TG: variants seen among roughly 807,000 people sequenced by gnomAD.
TG encodes the protein thyroid hormones.
Under a neutral mutation model 324.7 loss-of-function variants are expected in TG, and 270 were observed. The ratio of observed to expected loss-of-function variants is 0.83; its 90% CI spans 0.75 to 0.92. TG has a LOEUF of 0.92. Ranked by LOEUF, TG falls within the 40% of genes least tolerant of loss-of-function variation. The pLI, the probability that TG is intolerant of heterozygous loss-of-function variation, is 0.00. For synonymous variants in TG, 1,401 were observed against 1,327.0 expected (o/e 1.06, Z -1.21); for missense variants, 3,591 against 3,456.4 (o/e 1.04, Z -0.98).
intron 43 of TG, chr8:133,106,578 C>A: frequency 2.3e-6 from 1 of 426,274 alleles, no homozygotes; most frequent in Non-Finnish European, 3.1e-6. Context: ...CCTCGCTGCT[C>A]CCCCTCACCC....
chr8:133,080,942 G>A (rs1030746792), intron 41 of TG, among the ~76,000 whole-genome samples: 3 of 152,202 alleles, frequency 2.0e-5, no homozygotes, highest in African/African-American at 7.2e-5. Flanking sequence ...AAGGCCACTT[G>A]GTGTTTTATT....
At chr8:132,939,410 A>G (rs1463861560) in intron 25 of TG, among the ~76,000 whole-genome samples, 1 of 152,190 alleles carries the variant, frequency 6.6e-6, no homozygotes, top group African/African-American at 2.4e-5. Flanking sequence ...GGTTTAGTAC[A>G]GGCACAAAAA....
chr8:132,939,663 G>GTTTT (rs766831555), intron 25 of TG, among the ~76,000 whole-genome samples: 78 of 125,440 alleles, frequency 6.2e-4, no homozygotes, highest in Middle Eastern at 4.2e-3. Context: ...AGTCTATGGG[G>GTTTT]TTTTTTTTTT....
chr8:132,947,579 C>T (rs566874240), intron 26 of TG, among the ~76,000 whole-genome samples: 11 of 151,618 alleles, frequency 7.3e-5, no homozygotes, highest in Non-Finnish European at 1.5e-4. Context: ...CCAGATTGGA[C>T]ATAAATTAGG....
intron 18 of TG, 37 bp from the exon 19 acceptor site, chr8:132,911,340 C>G (rs758338278): frequency 1.2e-6 from 2 of 1,614,130 alleles, no homozygotes; most frequent in Admixed American, 1.7e-5. Context: ...GCTTTCTACT[C>G]TGTGTTCTTG....
At chr8:133,120,619 C>T (rs1336636735) in intron 45 of TG, among the ~76,000 whole-genome samples, 2 of 152,160 alleles carry the variant, frequency 1.3e-5, no homozygotes, top group Non-Finnish European at 2.9e-5. Flanking sequence ...TTCTTTACGT[C>T]GTCTTTCTTC....
At chr8:133,027,828 C>A (rs891973751) in intron 40 of TG, among the ~76,000 whole-genome samples, 24 of 152,214 alleles carry the variant, frequency 1.6e-4, no homozygotes, top group African/African-American at 5.5e-4. Flanking sequence ...AGCTCATTCC[C>A]TCTAAAGTTT....
chr8:133,029,768 A>C, intron 40 of TG, 53 bp from the exon 41 acceptor site: 1 of 1,611,116 alleles, frequency 6.2e-7, no homozygotes, highest in Non-Finnish European at 8.5e-7. Context: ...CATGATTTTC[A>C]AATCCAAGGT....
Position 132,990,033 on chromosome 8 carries a change from G to C in TG, c.6262+6621G>C, listed in dbSNP as rs72727473. ...AATGCTCAGCATGGAATTTGCTGTA[G>C]AGTGGGTGTTCAAGAAACGTCAGCA... is the stretch of plus-strand genomic sequence containing the variant. On this transcript the variant is annotated intron_variant, in intron 35 of 47. Transcript: ENST00000220616. 9.0e-4 allele frequency among the ~76,000 whole-genome samples: 137 copies of C among 152,168 alleles called. No individual in the cohort carries two copies. The Middle Eastern group carries it at 0.02, about 23-fold the overall frequency.
intron 31 of TG, 55 bp downstream of exon 31, chr8:132,968,025 G>T: frequency 6.3e-7 from 1 of 1,595,304 alleles, no homozygotes; most frequent in South Asian, 1.1e-5. Flanking sequence ...TGCTGGCTCT[G>T]TGGTTTTAGA....
chr8:133,054,328 A>C (rs141342167), intron 41 of TG, among the ~76,000 whole-genome samples: 1 of 152,322 alleles, frequency 6.6e-6, no homozygotes, highest in East Asian at 1.9e-4. Context: ...TGAAAGAAGA[A>C]ACCCAGAGAG....
rs778688293 is a variant in TG at position 132,901,578 on chromosome 8, C to A, written c.3634+25C>A. 6.2e-6 allele frequency: 10 copies of A among 1,604,520 alleles called. No homozygotes were observed. The Admixed American group carries it at 1.0e-4, about 16-fold the overall frequency. On this transcript the variant is annotated intron_variant, in intron 16 of 47. Coordinates refer to ENST00000220616, the MANE Select transcript of TG (RefSeq NM_003235.5). ...AGTAAGTCATGACCCCCTGGGGGGACGACGAGGCCTGCATATCTGTTCTTT... is the reference window on the plus strand; with the variant it reads ...AGTAAGTCATGACCCCCTGGGGGGAAGACGAGGCCTGCATATCTGTTCTTT...
chr8:132,951,747 C>T (rs888194735), intron 27 of TG, among the ~76,000 whole-genome samples: 3 of 152,154 alleles, frequency 2.0e-5, no homozygotes, highest in Non-Finnish European at 2.9e-5. Flanking sequence ...CTACCTCCAA[C>T]TGAAGGCAAC....
intron 38 of TG, among the ~76,000 whole-genome samples, 182 bp downstream of exon 38, chr8:133,018,179 CT>C (rs1835225122): frequency 6.6e-6 from 1 of 152,202 alleles, no homozygotes; most frequent in Admixed American, 6.5e-5. Flanking sequence ...GTAACAGTGG[CT>C]TAACACTGTT....
intron 35 of TG, among the ~76,000 whole-genome samples, chr8:132,985,137 A>C (rs890040538): frequency 9.2e-5 from 14 of 152,210 alleles, no homozygotes; most frequent in African/African-American, 3.4e-4. Context: ...CATAGATCAA[A>C]AATAATCAGA....
intron 44 of TG, among the ~76,000 whole-genome samples, chr8:133,115,659 CAG>C (rs1462526865): frequency 6.6e-6 from 1 of 152,218 alleles, no homozygotes; most frequent in Non-Finnish European, 1.5e-5. Flanking sequence ...GCTGGGAAGA[CAG>C]AGATTCAAGG....
intron 28 of TG, among the ~76,000 whole-genome samples, chr8:132,961,317 C>T (rs76216090): frequency 0.015 from 2,312 of 152,232 alleles, 65 homozygotes; most frequent in African/African-American, 0.053. Context: ...TAGGTTCCCG[C>T]GAGATAAAGC....
intron 44 of TG, among the ~76,000 whole-genome samples, chr8:133,115,809 C>T (rs1338941577): frequency 4.6e-5 from 7 of 152,356 alleles, no homozygotes; most frequent in South Asian, 4.1e-4. Flanking sequence ...ATAGCCTGTG[C>T]GTCAGCACAC....
At chr8:132,930,434 A>G (rs1171934611) in intron 23 of TG, among the ~76,000 whole-genome samples, 1 of 152,156 alleles carries the variant, frequency 6.6e-6, no homozygotes, top group Non-Finnish European at 1.5e-5. Flanking sequence ...TAATCCCAGC[A>G]CTTTGGAGAC....
Sources: allele counts gnomAD v4.1 joint callset (sites outside exome capture counted in the v4.1 genomes callset), GRCh38; gene constraint gnomAD v4.1.1; transcripts MANE v1.5; gene names NCBI Gene and HGNC (gene_info 2026-07-23, HGNC 2026-07-21).